Variants in ITGA9 observed in about 807,000 individuals in gnomAD.
ITGA9 encodes integrin subunit alpha 9, also known as integrin alpha-9.
A neutral mutation model predicts 127.8 loss-of-function variants in ITGA9; 56 were observed. That is an observed-to-expected ratio of 0.44 (90% CI 0.35 to 0.55). The LOEUF (loss-of-function observed/expected upper bound fraction) is 0.55. ITGA9 is among the 20% of genes least tolerant of loss of function. The probability of loss-of-function intolerance (pLI) is 0.00; values close to 1 mark genes in which losing one functional copy is unlikely to be tolerated. For synonymous variants in ITGA9, 508 were observed against 514.5 expected, an observed-to-expected ratio of 0.99 and a Z score of 0.17; for missense variants, 1,196 against 1,347.1, an observed-to-expected ratio of 0.89 and a Z score of 1.76.
intron 23 of ITGA9, among the ~76,000 whole-genome samples, chr3:37,772,366 C>A (rs1016648998): frequency 6.6e-6 from 1 of 151,994 alleles, no homozygotes; most frequent in African/African-American, 2.4e-5. Context: ...CAAGATCGCA[C>A]CACTGCACTA....
At chr3:37,600,461 A>G (rs1249126809) in intron 15 of ITGA9, among the ~76,000 whole-genome samples, 1 of 151,956 alleles carries the variant, frequency 6.6e-6, no homozygotes, top group Non-Finnish European at 1.5e-5. Context: ...AGCCCCACAC[A>G]TACTCTTTGT....
chr3:37,572,926 T>C (rs1380046492), intron 15 of ITGA9, among the ~76,000 whole-genome samples: 2 of 152,244 alleles, frequency 1.3e-5, no homozygotes, highest in African/African-American at 2.4e-5. Flanking sequence ...AAAATGAAGA[T>C]GTGTAGGCTT....
intron 12 of ITGA9, among the ~76,000 whole-genome samples, chr3:37,525,181 A>G (rs1699081653): frequency 6.6e-6 from 1 of 152,226 alleles, no homozygotes; most frequent in South Asian, 2.1e-4. Context: ...CCACTGGAAG[A>G]GTAAGTACTT....
rs575675051 is a variant in ITGA9, at chr3:37,652,888, T to C, written c.1840-826T>C. 4.6e-5 allele frequency among the ~76,000 whole-genome samples: 7 copies of C among 152,300 alleles called. No homozygotes were observed. The South Asian group carries it at 1.5e-3, about 32-fold the overall frequency. On this transcript the variant is annotated intron_variant, in intron 16 of 27. Coordinates refer to ENST00000264741, the MANE Select transcript of ITGA9 (RefSeq NM_002207.3). Reference sequence around the variant, plus strand: ...GAAATGTCAGAGAGGTTGAGACAGATTGAGGGGAAGACTAACAAGCCCTCC... The same window carrying C: ...GAAATGTCAGAGAGGTTGAGACAGACTGAGGGGAAGACTAACAAGCCCTCC...
intron 15 of ITGA9, among the ~76,000 whole-genome samples, chr3:37,602,852 G>A (rs915036369): frequency 1.3e-5 from 2 of 152,160 alleles, no homozygotes; most frequent in Non-Finnish European, 2.9e-5. Context: ...GGGTAAATAA[G>A]TTGTCCAAGA....
chr3:37,601,142 C>G (rs1428484563), intron 15 of ITGA9, among the ~76,000 whole-genome samples: 1 of 152,198 alleles, frequency 6.6e-6, no homozygotes, highest in Non-Finnish European at 1.5e-5. Context: ...ATTCTAGACT[C>G]CTTTCCCTCG....
chr3:37,549,328 A>G (rs1014577746), intron 15 of ITGA9, among the ~76,000 whole-genome samples: 3 of 152,260 alleles, frequency 2.0e-5, no homozygotes, highest in Non-Finnish European at 2.9e-5. Flanking sequence ...AAAGGAAGGC[A>G]CAAAAATTCT....
At chr3:37,541,647 C>T (rs1690088641) in intron 14 of ITGA9, among the ~76,000 whole-genome samples, 1 of 151,994 alleles carries the variant, frequency 6.6e-6, no homozygotes, top group Non-Finnish European at 1.5e-5. Context: ...TTATTCTTTG[C>T]AGGAGAGGAC....
At chr3:37,646,701 T>A (rs1390973528) in intron 16 of ITGA9, among the ~76,000 whole-genome samples, 2 of 152,202 alleles carry the variant, frequency 1.3e-5, no homozygotes, top group Non-Finnish European at 1.5e-5. Flanking sequence ...TGGAAGAGAC[T>A]GCTTCCAAGC....
At chr3:37,553,926 T>G (rs1699403653) in intron 15 of ITGA9, among the ~76,000 whole-genome samples, 1 of 152,196 alleles carries the variant, frequency 6.6e-6, no homozygotes, top group Non-Finnish European at 1.5e-5. Context: ...ATAATTTCTC[T>G]CTCTTCTAGA....
chr3:37,786,232 G>T lies in ITGA9; in HGVS notation c.2889+1154G>T, dbSNP rs5016613. On this transcript the variant is annotated intron_variant, in intron 26 of 27. Coordinates refer to ENST00000264741, the MANE Select transcript of ITGA9 (RefSeq NM_002207.3). Reference sequence around the variant, plus strand: ...AAAGTGATAAGTTTATAATGATTTTGTGCTTAGAAACTGTTGTTAATTTAC... The same window carrying T: ...AAAGTGATAAGTTTATAATGATTTTTTGCTTAGAAACTGTTGTTAATTTAC... Among the ~76,000 whole-genome samples, 3 of 152,322 alleles carry T rather than the reference G, an allele frequency of 2.0e-5. No individual in the cohort carries two copies. In the East Asian group the frequency reaches 5.8e-4, roughly 29 times the overall value.
chr3:37,634,599 A>G (rs530047251), intron 16 of ITGA9, among the ~76,000 whole-genome samples: 2 of 152,336 alleles, frequency 1.3e-5, no homozygotes, highest in East Asian at 3.9e-4. Context: ...TAAATATATA[A>G]AGCAAATATT....
At chr3:37,694,569 CTA>C (rs570606474) in intron 18 of ITGA9, among the ~76,000 whole-genome samples, 1 of 152,156 alleles carries the variant, frequency 6.6e-6, no homozygotes, top group Admixed American at 6.5e-5. Flanking sequence ...GGAAGGAAGG[CTA>C]TGTTTTGCTT....
chr3:37,650,149 C>G (rs1700416084), intron 16 of ITGA9, among the ~76,000 whole-genome samples: 1 of 152,130 alleles, frequency 6.6e-6, no homozygotes, highest in African/African-American at 2.4e-5. Context: ...TGGCTAAATT[C>G]TAAGAACAAA....
At chr3:37,795,120 T>G (rs1445125906) in intron 26 of ITGA9, among the ~76,000 whole-genome samples, 2 of 152,176 alleles carry the variant, frequency 1.3e-5, no homozygotes, top group Admixed American at 6.5e-5. Flanking sequence ...ATAAATTCCT[T>G]CCTTCTATTG....
At chr3:37,648,037 AC>A (rs1475763440) in intron 16 of ITGA9, among the ~76,000 whole-genome samples, 3 of 152,186 alleles carry the variant, frequency 2.0e-5, no homozygotes, top group Admixed American at 6.5e-5. Context: ...TTGAGTATAT[AC>A]CCAGAAGAGG....
chr3:37,596,450 C>A (rs1160999235), intron 15 of ITGA9, among the ~76,000 whole-genome samples: 1 of 152,144 alleles, frequency 6.6e-6, no homozygotes, highest in Non-Finnish European at 1.5e-5. Flanking sequence ...GGTGTTCTTC[C>A]TCCAGCCCAG....
chr3:37,473,222 C>A, intron 2 of ITGA9, 132 bp from the exon 3 acceptor site: 2 of 581,244 alleles, frequency 3.4e-6, no homozygotes, highest in Admixed American at 2.2e-5. Context: ...CAGTATAGTA[C>A]ATAGTGATGG....
chr3:37,632,730 G>T (rs1700240080), intron 16 of ITGA9, among the ~76,000 whole-genome samples: 1 of 152,182 alleles, frequency 6.6e-6, no homozygotes, highest in Non-Finnish European at 1.5e-5. Context: ...GTTGATCATG[G>T]AGGATAAGTC....
Sources: allele counts gnomAD v4.1 joint callset (sites outside exome capture counted in the v4.1 genomes callset), GRCh38; gene constraint gnomAD v4.1.1; transcripts MANE v1.5; gene names NCBI Gene and HGNC (gene_info 2026-07-23, HGNC 2026-07-21).